The following PBRM1 variants were observed in gnomAD, a reference collection of about 807,000 sequenced individuals.
The protein encoded by PBRM1 is protein polybromo-1.
A neutral mutation model predicts 194.5 loss-of-function variants in PBRM1; 27 were observed. The ratio of observed to expected loss-of-function variants is 0.14; its 90% CI spans 0.10 to 0.19. The LOEUF is 0.19. Among genes scored for constraint, PBRM1 ranks in the 10% least tolerant of loss-of-function variants. The pLI is 1.00. For missense variants in PBRM1, 1,466 were observed against 2,077.2 expected (o/e 0.71, Z 5.72); for synonymous variants, 655 against 693.2 (o/e 0.94, Z 0.87).
At chr3:52,624,828 A>G in intron 13 of PBRM1, 69 bp downstream of exon 15, 1 of 1,022,988 alleles carries the variant, frequency 9.8e-7, no homozygotes, top group Non-Finnish European at 1.5e-6. Flanking sequence ...TTTTCACCTA[A>G]TCAGTACTGA....
intron 17 of PBRM1, among the ~76,000 whole-genome samples, chr3:52,602,357 A>C (rs1456635679): frequency 6.6e-6 from 1 of 152,176 alleles, no homozygotes; most frequent in East Asian, 1.9e-4. Flanking sequence ...AACTACCTCA[A>C]GCCCGTAAGG....
At position 52,661,034 on chromosome 3, in the gene PBRM1, A is replaced by AT. The variant is rs905644910; in HGVS notation, c.528+1098dup. Reference sequence around the variant, plus strand: ...CATGTCTTTTTATTTTCTGTCTTTCATTTTTTTTTGAGATGGAGTCTCATT... The same window carrying AT: ...CATGTCTTTTTATTTTCTGTCTTTCATTTTTTTTTTGAGATGGAGTCTCATT... On this transcript the variant is annotated intron_variant, in intron 4 of 29. Coordinates refer to ENST00000296302, the Ensembl canonical transcript of PBRM1. Among the ~76,000 whole-genome samples, 22 of 150,248 alleles carry AT rather than the reference A, an allele frequency of 1.5e-4. No individual in the cohort carries two copies. The South Asian group carries it at 1.9e-3, about 13-fold the overall frequency.
At chr3:52,631,821 T>C (rs536142602) in intron 11 of PBRM1, among the ~76,000 whole-genome samples, 2 of 152,382 alleles carry the variant, frequency 1.3e-5, no homozygotes, top group Admixed American at 1.3e-4. Flanking sequence ...CTGAAAGCAA[T>C]AAATATCTTT....
intron 17 of PBRM1, among the ~76,000 whole-genome samples, chr3:52,597,342 G>A (rs1184723115): frequency 6.6e-6 from 1 of 152,178 alleles, no homozygotes; most frequent in Non-Finnish European, 1.5e-5. Flanking sequence ...AGGACAATTG[G>A]TGGAGGCTTC....
At chr3:52,661,950 A>G (rs2096734517) in intron 4 of PBRM1, among the ~76,000 whole-genome samples, 183 bp downstream of exon 5, 1 of 152,168 alleles carries the variant, frequency 6.6e-6, no homozygotes, top group Non-Finnish European at 1.5e-5. Flanking sequence ...GTTGTCCAGG[A>G]TATCCTAGGA....
intron 25 of PBRM1, among the ~76,000 whole-genome samples, chr3:52,558,620 T>C (rs781301313): frequency 1.2e-4 from 19 of 152,208 alleles, no homozygotes; most frequent in Non-Finnish European, 2.8e-4. Context: ...TCTTGAGAAC[T>C]GGTCTGCAAA....
chr3:52,564,175 T>C (rs1164529034), exon 23 of PBRM1: 6 of 1,613,828 alleles, frequency 3.7e-6, no homozygotes, highest in South Asian at 2.2e-5. Context: ...TGTCATTTTC[T>C]GGTATTTCAG....
chr3:52,628,805 G>A (rs1577053981), intron 12 of PBRM1, 89 bp downstream of exon 13: 4 of 1,153,146 alleles, frequency 3.5e-6, no homozygotes, highest in East Asian at 2.4e-5. Flanking sequence ...GGGTGGGGGG[G>A]ATCACACATC....
intron 19 of PBRM1, 82 bp from the exon 22 acceptor site, chr3:52,586,770 A>T: frequency 9.8e-7 from 1 of 1,024,974 alleles, no homozygotes; most frequent in Admixed American, 2.4e-5. Context: ...AAAAAAAAGC[A>T]AATAACCAAC....
intron 17 of PBRM1, among the ~76,000 whole-genome samples, chr3:52,594,910 T>C (rs1438510449): frequency 6.6e-6 from 1 of 152,222 alleles, no homozygotes; most frequent in Non-Finnish European, 1.5e-5. Context: ...AATCTCTTCT[T>C]GGCTTGCAGC....
chr3:52,612,876 A>G (rs2094715464), intron 15 of PBRM1, among the ~76,000 whole-genome samples: 1 of 128,088 alleles, frequency 7.8e-6, no homozygotes, highest in Non-Finnish European at 1.8e-5. Flanking sequence ...ACTGCACTCC[A>G]GCCTGGGCAA....
chr3:52,648,897 C>G (rs1241153581), intron 6 of PBRM1, among the ~76,000 whole-genome samples: 1 of 152,150 alleles, frequency 6.6e-6, no homozygotes, highest in East Asian at 1.9e-4. Flanking sequence ...TGAGTACCTA[C>G]TGTGTGCTAG....
At chr3:52,624,914 A>G (rs1279404617) in intron 13 of PBRM1, 1 of 1,547,750 alleles carries the variant, frequency 6.5e-7, no homozygotes, top group African/African-American at 1.4e-5. Context: ...GCCTCCTGAG[A>G]CCCAACATCT....
chr3:52,633,383 A>G (rs1425589882), intron 11 of PBRM1, among the ~76,000 whole-genome samples: 4 of 152,160 alleles, frequency 2.6e-5, no homozygotes, highest in Admixed American at 6.5e-5. Flanking sequence ...ATTCCATTGT[A>G]TGTACACACC....
At chr3:52,578,950 C>A in intron 21 of PBRM1, 104 bp downstream of exon 23, 1 of 1,041,690 alleles carries the variant, frequency 9.6e-7, no homozygotes, top group Non-Finnish European at 1.5e-6. Context: ...GCTGGAGAAA[C>A]TGCCAGGGGA....
chr3:52,587,262 T>C, intron 19 of PBRM1, 91 bp downstream of exon 21: 2 of 966,022 alleles, frequency 2.1e-6, no homozygotes, highest in East Asian at 4.9e-5. Context: ...AAAACAGAGT[T>C]CCTAATTTTG....
chr3:52,669,240 A>G (rs951491635), intron 2 of PBRM1, among the ~76,000 whole-genome samples: 4 of 67,640 alleles, frequency 5.9e-5, no homozygotes, highest in Admixed American at 4.4e-4. Context: ...ACTCTTCGGA[A>G]AAAAAAAACC....
chr3:52,633,449 T>C (rs184807875), intron 11 of PBRM1, among the ~76,000 whole-genome samples: 1 of 152,324 alleles, frequency 6.6e-6, no homozygotes, highest in Admixed American at 6.5e-5. Context: ...GTTTTAGCTA[T>C]TGTGAATGCT....
intron 16 of PBRM1, among the ~76,000 whole-genome samples, 199 bp from the exon 19 acceptor site, chr3:52,603,931 T>G (rs1280843484): frequency 1.3e-5 from 2 of 152,206 alleles, no homozygotes; most frequent in African/African-American, 4.8e-5. Context: ...TGCCCACCAT[T>G]TTCCTTTACT....
Sources: gnomAD v4.1 joint callset for allele counts (sites outside exome capture counted in the v4.1 genomes callset) on GRCh38, gnomAD v4.1.1 for gene constraint, MANE v1.5 for transcripts, NCBI Gene and HGNC (gene_info 2026-07-23, HGNC 2026-07-21) for gene names.